ITGA8: variants seen among roughly 807,000 people sequenced by gnomAD.
The protein encoded by ITGA8 is integrin subunit alpha 8.
In ITGA8, 91 loss-of-function variants were observed where a neutral mutation model predicts 142.3. The ratio of observed to expected loss-of-function variants is 0.64; its 90% CI spans 0.54 to 0.76. The LOEUF (loss-of-function observed/expected upper bound fraction) is 0.76. Ranked by LOEUF, ITGA8 falls within the 30% of genes least tolerant of loss-of-function variation. The pLI is 0.00. For missense variants in ITGA8, 1,406 were observed against 1,327.7 expected (o/e 1.06, Z -0.92); for synonymous variants, 505 against 485.2 (o/e 1.04, Z -0.54).
chr10:15,565,942 G>C (rs1033222274), intron 25 of ITGA8, among the ~76,000 whole-genome samples: 7 of 151,994 alleles, frequency 4.6e-5, no homozygotes, highest in African/African-American at 1.7e-4. Context: ...GTGAGTGAGA[G>C]ACAGAGGGAA....
At chr10:15,532,961 C>T (rs73598721) in intron 27 of ITGA8, among the ~76,000 whole-genome samples, 8,336 of 152,140 alleles carry the variant, frequency 0.055, 739 homozygotes, top group African/African-American at 0.19. Flanking sequence ...GGTGTGGGAC[C>T]TGGCATCTCT....
chr10:15,712,379 C>T (rs1835378435), intron 2 of ITGA8, among the ~76,000 whole-genome samples: 1 of 152,026 alleles, frequency 6.6e-6, no homozygotes, highest in Non-Finnish European at 1.5e-5. Context: ...GTCAGGAGTT[C>T]AAAACCAGCC....
chr10:15,622,102 C>A (rs1322472600), intron 13 of ITGA8, among the ~76,000 whole-genome samples: 2 of 152,010 alleles, frequency 1.3e-5, no homozygotes, highest in African/African-American at 4.8e-5. Flanking sequence ...AGGTTGCAGT[C>A]AGCGAGATCA....
chr10:15,532,368 G>T (rs967771809), intron 27 of ITGA8, among the ~76,000 whole-genome samples: 13 of 129,734 alleles, frequency 1.0e-4, no homozygotes, highest in Non-Finnish European at 1.6e-4. Context: ...GCAGTGAGCC[G>T]AGATCGTGCC....
chr10:15,538,321 T>C (rs961782709), intron 27 of ITGA8, among the ~76,000 whole-genome samples: 5 of 152,088 alleles, frequency 3.3e-5, no homozygotes, highest in African/African-American at 1.2e-4. Flanking sequence ...AAGACCAGCC[T>C]GGCCAACATG....
chr10:15,675,715 C>T (rs1291951408), intron 6 of ITGA8, among the ~76,000 whole-genome samples: 1 of 152,176 alleles, frequency 6.6e-6, no homozygotes, highest in East Asian at 1.9e-4. Context: ...TGTCACTACA[C>T]TCAGGACAAA....
At chr10:15,679,365 A>G (rs1834693312) in intron 4 of ITGA8, among the ~76,000 whole-genome samples, 1 of 152,174 alleles carries the variant, frequency 6.6e-6, no homozygotes, top group Non-Finnish European at 1.5e-5. Context: ...TGCGCAGATC[A>G]TGAGGTCAAG....
chr10:15,677,049 T>C (rs1834643357), intron 6 of ITGA8, among the ~76,000 whole-genome samples: 2 of 152,044 alleles, frequency 1.3e-5, no homozygotes, highest in Admixed American at 1.3e-4. Context: ...CAAATCGAAA[T>C]GATGCTTTTG....
At chr10:15,711,639 G>T (rs1249998017) in intron 2 of ITGA8, among the ~76,000 whole-genome samples, 2 of 151,580 alleles carry the variant, frequency 1.3e-5, no homozygotes, top group African/African-American at 4.9e-5. Context: ...GATATAGAAA[G>T]TTCCATCAAC....
At chr10:15,656,187 A>G (rs986706828) in intron 10 of ITGA8, among the ~76,000 whole-genome samples, 2 of 152,142 alleles carry the variant, frequency 1.3e-5, no homozygotes, top group African/African-American at 2.4e-5. Flanking sequence ...CGCTGATGAC[A>G]AGAGAAGAGT....
intron 13 of ITGA8, 127 bp downstream of exon 13, chr10:15,643,903 G>T (rs1039034878): frequency 2.7e-6 from 2 of 732,480 alleles, no homozygotes; most frequent in Non-Finnish European, 4.3e-6. Flanking sequence ...CATTAAAAAA[G>T]CCTGTGGCAT....
chr10:15,661,401 G>A (rs925417993), intron 8 of ITGA8, among the ~76,000 whole-genome samples: 5 of 152,140 alleles, frequency 3.3e-5, no homozygotes, highest in African/African-American at 9.7e-5. Context: ...AAACGGTTGC[G>A]GATTGCTGAT....
chr10:15,624,202 A>G (rs958527815), intron 13 of ITGA8, among the ~76,000 whole-genome samples: 1 of 152,164 alleles, frequency 6.6e-6, no homozygotes, highest in African/African-American at 2.4e-5. Flanking sequence ...AATCTCTCTA[A>G]AACCTTTGAA....
In ITGA8 at chr10:15,536,157, C is replaced by T. The variant is rs536454944; in HGVS notation, c.2881-5006G>A. On this transcript the variant is annotated intron_variant, in intron 27 of 29. Coordinates refer to ENST00000378076, the MANE Select transcript of ITGA8 (RefSeq NM_003638.3). ...GGGTCTGCGGCTTCGTTCTTGAAGT[C>T]GGTGAGACCAAGAACCCACCAATTC... Among the ~76,000 whole-genome samples the T allele has an allele frequency of 7.9e-5, 12 of 152,234 alleles. No individual in the cohort carries two copies. In the East Asian group the frequency reaches 1.2e-3, roughly 15 times the overall value.
At chr10:15,654,464 G>C (rs1209828863) in intron 11 of ITGA8, among the ~76,000 whole-genome samples, 1 of 152,116 alleles carries the variant, frequency 6.6e-6, no homozygotes, top group Non-Finnish European at 1.5e-5. Flanking sequence ...TTTCCCAGCA[G>C]GTACAAAAGG....
intron 3 of ITGA8, among the ~76,000 whole-genome samples, chr10:15,685,976 T>C (rs1834827382): frequency 6.6e-6 from 1 of 152,198 alleles, no homozygotes; most frequent in African/African-American, 2.4e-5. Flanking sequence ...ATTAGCTTGG[T>C]TTGGACTTCT....
chr10:15,607,752 C>T lies in ITGA8; in HGVS notation c.1689G>A (p.Gln563=), dbSNP rs371470152. The T allele has an allele frequency of 6.2e-7, 1 of 1,613,610 alleles. No homozygotes were observed. The change falls in exon 17 of 30, where the codon CAG becomes CAA. Residue 563 remains glutamine, a synonymous_variant. Transcript: ENST00000378076. ...IKRTLFLDNH[Q]AHRVFPLVIK... The stretch of plus-strand genomic sequence containing the variant: ...TCACAAGAGGGAAGACGCGATGAGC[C>T]TGATGGTTATCAAGGAAGAGCGTCC...
intron 27 of ITGA8, among the ~76,000 whole-genome samples, chr10:15,545,354 CT>C (rs1379580376): frequency 1.3e-5 from 2 of 152,226 alleles, no homozygotes; most frequent in Admixed American, 6.5e-5. Context: ...ACTTGCTCCA[CT>C]GTTTTGCCCT....
In ITGA8 at chr10:15,572,256, A is replaced by C; in HGVS notation, c.2592T>G (p.Pro864=). ...LYIFHIQTLG[P]LQCQPNPNIN... is the part of the protein sequence containing the mutation. ...TATTAGGATTTGGTTGGCACTGCAG[A>C]GGTCCCAGAGTTTGAATATGGAAAA... The change falls in exon 25 of 30, where the codon CCT becomes CCG. Residue 864 remains proline (P), a synonymous_variant. Coordinates refer to ENST00000378076, the MANE Select transcript of ITGA8 (RefSeq NM_003638.3). The C allele has an allele frequency of 6.2e-7, 1 of 1,614,054 alleles. No homozygotes were observed. The highest frequency in any genetic ancestry group is 1.1e-5 in the South Asian group (1 of 91,062).
Sources: allele counts gnomAD v4.1 joint callset (sites outside exome capture counted in the v4.1 genomes callset), GRCh38; gene constraint gnomAD v4.1.1; transcripts MANE v1.5; gene names NCBI Gene and HGNC (gene_info 2026-07-23, HGNC 2026-07-21).